The following CNTNAP2 variants were observed in gnomAD, a reference collection of about 807,000 sequenced individuals.
CNTNAP2 encodes the protein contactin associated protein 2.
In CNTNAP2, 98 loss-of-function variants were observed where a neutral mutation model predicts 155.2. The ratio of observed to expected loss-of-function variants is 0.63; its 90% CI spans 0.54 to 0.75. The LOEUF (loss-of-function observed/expected upper bound fraction) is 0.75, where lower values mean the gene tolerates loss of function less well. Ranked by LOEUF, CNTNAP2 falls within the 30% of genes least tolerant of loss-of-function variation. CNTNAP2 has a pLI of 0.00. For synonymous variants in CNTNAP2, 651 were observed against 631.2 expected (o/e 1.03, Z -0.47); for missense variants, 1,727 against 1,688.1 (o/e 1.02, Z -0.40).
intron 1 of CNTNAP2, among the ~76,000 whole-genome samples, chr7:146,203,596 A>G (rs1798901062): frequency 6.6e-6 from 1 of 152,086 alleles, no homozygotes; most frequent in Non-Finnish European, 1.5e-5. Flanking sequence ...TTTCATTACA[A>G]AGGCATGATT....
intron 1 of CNTNAP2, among the ~76,000 whole-genome samples, chr7:146,478,175 T>G (rs546653468): frequency 8.7e-4 from 133 of 152,054 alleles, no homozygotes; most frequent in Middle Eastern, 3.4e-3. Context: ...AATTTTCCCC[T>G]TTAAGGACCC....
intron 4 of CNTNAP2, among the ~76,000 whole-genome samples, chr7:147,076,964 A>AACATAAGG (rs1299344207): frequency 1.3e-5 from 2 of 152,174 alleles, no homozygotes; most frequent in Non-Finnish European, 1.5e-5. Context: ...GCAAATAAGG[A>AACATAAGG]ACATTGTATT....
intron 15 of CNTNAP2, among the ~76,000 whole-genome samples, chr7:148,116,414 C>G (rs896928228): frequency 6.6e-6 from 1 of 152,160 alleles, no homozygotes; most frequent in African/African-American, 2.4e-5. Context: ...TAACTAAAGA[C>G]TTTCCACATT....
intron 10 of CNTNAP2, among the ~76,000 whole-genome samples, chr7:147,443,486 TCAA>T (rs1451210947): frequency 6.6e-6 from 1 of 152,128 alleles, no homozygotes; most frequent in East Asian, 1.9e-4. Flanking sequence ...AGTGACTCTT[TCAA>T]TAATAGGAAG....
intron 8 of CNTNAP2, among the ~76,000 whole-genome samples, chr7:147,204,497 AG>A (rs1281468679): frequency 6.6e-6 from 1 of 152,162 alleles, no homozygotes; most frequent in Non-Finnish European, 1.5e-5. Context: ...TCTCAAGATG[AG>A]GAACACCATG....
intron 15 of CNTNAP2, among the ~76,000 whole-genome samples, chr7:148,080,770 A>C (rs1056700131): frequency 2.0e-5 from 3 of 152,086 alleles, no homozygotes; most frequent in African/African-American, 4.8e-5. Context: ...ATCAGTGATC[A>C]AAATTATAGA....
chr7:147,499,382 A>G (rs1023275599), intron 11 of CNTNAP2, among the ~76,000 whole-genome samples: 2 of 152,004 alleles, frequency 1.3e-5, no homozygotes, highest in African/African-American at 2.4e-5. Flanking sequence ...TAAAAAAAAT[A>G]GCTGGGCGTG....
chr7:147,076,320 C>G (rs577053160), intron 4 of CNTNAP2, among the ~76,000 whole-genome samples: 7 of 152,144 alleles, frequency 4.6e-5, no homozygotes, highest in Admixed American at 6.5e-5. Context: ...TAATGAACAC[C>G]ATTCTAACTG....
chr7:146,526,694 T>C (rs564348613), intron 1 of CNTNAP2, among the ~76,000 whole-genome samples: 2 of 152,278 alleles, frequency 1.3e-5, no homozygotes, highest in East Asian at 3.9e-4. Flanking sequence ...CTATTGTCTG[T>C]TTCGTTCATT....
At chr7:146,179,831 TTATTTTGGTATAAATG>T (rs1798524871) in intron 1 of CNTNAP2, among the ~76,000 whole-genome samples, 1 of 152,196 alleles carries the variant, frequency 6.6e-6, no homozygotes, top group Non-Finnish European at 1.5e-5. Flanking sequence ...ATAATCTCTA[TTATTTTGGTATAAATG>T]TTGACGAAGA....
chr7:146,374,852 AC>A (rs1187275599), intron 1 of CNTNAP2, among the ~76,000 whole-genome samples: 1 of 152,198 alleles, frequency 6.6e-6, no homozygotes, highest in Non-Finnish European at 1.5e-5. Flanking sequence ...GGAATTTACA[AC>A]TAAGTAAGTG....
At chr7:146,919,024 C>A (rs749731729) in intron 3 of CNTNAP2, among the ~76,000 whole-genome samples, 35 of 152,126 alleles carry the variant, frequency 2.3e-4, no homozygotes, top group Admixed American at 7.2e-4. Flanking sequence ...CCTTCATTTC[C>A]AGAAGCTGTG....
In CNTNAP2 at chr7:147,043,704, C is replaced by T. The variant is rs117019549; in HGVS notation, c.403-203C>T. On this transcript the variant is annotated intron_variant, in intron 3 of 23. Transcript: ENST00000361727. ...ATGTTTACATGGATGAAAAGACCCA[C>T]AGAAAATCTGACCTGTTTTCCACTT... Among the ~76,000 whole-genome samples the T allele has an allele frequency of 1.5e-3, 235 of 152,302 alleles. 2 individuals carry two copies. The highest frequency in any genetic ancestry group is 9.5e-3 in the South Asian group (46 of 4,834).
chr7:147,701,062 C>T (rs999662620), intron 13 of CNTNAP2, among the ~76,000 whole-genome samples: 11 of 152,256 alleles, frequency 7.2e-5, no homozygotes, highest in Middle Eastern at 3.4e-3. Flanking sequence ...ACTGCTGGGA[C>T]GGTTCTTCCT....
intron 15 of CNTNAP2, among the ~76,000 whole-genome samples, chr7:148,038,698 C>T (rs1257454353): frequency 6.6e-6 from 1 of 152,074 alleles, no homozygotes; most frequent in African/African-American, 2.4e-5. Flanking sequence ...AAGAGTATTT[C>T]CCATGATTTC....
intron 17 of CNTNAP2, among the ~76,000 whole-genome samples, chr7:148,160,243 A>C (rs1231775168): frequency 2.6e-5 from 4 of 151,748 alleles, no homozygotes; most frequent in Non-Finnish European, 5.9e-5. Context: ...CTGTCTCAAA[A>C]GAAAGAGAAA....
intron 3 of CNTNAP2, among the ~76,000 whole-genome samples, chr7:147,036,713 T>C (rs1468327158): frequency 2.0e-5 from 3 of 152,184 alleles, no homozygotes; most frequent in African/African-American, 7.2e-5. Context: ...AGCACTTGTA[T>C]ACTATTTGTC....
At chr7:147,404,398 G>GA (rs1346818730) in intron 10 of CNTNAP2, among the ~76,000 whole-genome samples, 2 of 152,120 alleles carry the variant, frequency 1.3e-5, no homozygotes, top group African/African-American at 4.8e-5. Flanking sequence ...TAAACATATA[G>GA]AAAAACGTCA....
chr7:148,357,347 A>G (rs1056001409), intron 21 of CNTNAP2, among the ~76,000 whole-genome samples: 1 of 152,206 alleles, frequency 6.6e-6, no homozygotes, highest in East Asian at 1.9e-4. Flanking sequence ...CTGTGAGTCC[A>G]TTAAACCTCT....
Sources: allele counts gnomAD v4.1 joint callset (sites outside exome capture counted in the v4.1 genomes callset), GRCh38; gene constraint gnomAD v4.1.1; transcripts MANE v1.5; gene names NCBI Gene and HGNC (gene_info 2026-07-23, HGNC 2026-07-21).